SLC7A2: variants seen among roughly 807,000 people sequenced by gnomAD.
SLC7A2 encodes cationic amino acid transporter 2.
A neutral mutation model predicts 58.9 loss-of-function variants in SLC7A2; 48 were observed. That is an observed-to-expected ratio of 0.82 (90% CI 0.65 to 1.04). The LOEUF is 1.04. Ranked by LOEUF, SLC7A2 falls within the 50% of genes least tolerant of loss-of-function variation. The pLI is 0.00. For synonymous variants in SLC7A2, 363 were observed against 314.5 expected (o/e 1.15, Z -1.63); for missense variants, 1,029 against 818.8 (o/e 1.26, Z -3.13).
chr8:17,497,948 C>G (rs1800017897), intron 1 of SLC7A2, among the ~76,000 whole-genome samples: 1 of 152,156 alleles, frequency 6.6e-6, no homozygotes, highest in South Asian at 2.1e-4. Context: ...CAGAAAGTAC[C>G]TTTTCATCCT....
At position 17,515,530 on chromosome 8, in the gene SLC7A2, G is replaced by A. The variant is rs539224154; in HGVS notation, c.-23+13228G>A. Reference sequence around the variant, plus strand: ...AGGATGGTTTTGATCTCCTGACCTCGTGATCTGCCTGCCTGACCTCCCATA... The same window carrying A: ...AGGATGGTTTTGATCTCCTGACCTCATGATCTGCCTGCCTGACCTCCCATA... On this transcript the variant is annotated intron_variant, in intron 2 of 12. Transcript: ENST00000494857. 7.9e-5 allele frequency among the ~76,000 whole-genome samples: 12 copies of A among 152,104 alleles called. 1 individual carries two copies. Among genetic ancestry groups the A allele is most frequent in the African/African-American group, 2.4e-4 (10 of 41,508 alleles).
In SLC7A2 at chr8:17,568,274, A is replaced by G. The variant is rs1803358947; in HGVS notation, c.*3128A>G. ...AAAAAACAATAATTTGTGAATTACC[A>G]CCAAAAGGCAATGGCAGTCCTACAT... On this transcript the variant is annotated 3_prime_UTR_variant, in exon 13 of 13. Transcript: ENST00000494857. 1 of 152,120 alleles carries G rather than the reference A, an allele frequency of 6.6e-6. No individual in the cohort carries two copies. The highest frequency in any genetic ancestry group is 2.4e-5 in the African/African-American group (1 of 41,440). The allele number at this position is 152,120 out of a possible 1,614,324, so 9.4% of individuals were successfully genotyped here.
rs1191602328 is a variant in SLC7A2, at chr8:17,508,872, T to C, written c.-23+6570T>C. On this transcript the variant is annotated intron_variant, in intron 2 of 12. Coordinates refer to ENST00000494857, the MANE Select transcript of SLC7A2 (RefSeq NM_001370338.1). ...TTTTAAAAACCCTGAGGACCCACATTATTTCTCTCAGTTTTTGAAGTATTT... is the reference window on the plus strand; with the variant it reads ...TTTTAAAAACCCTGAGGACCCACATCATTTCTCTCAGTTTTTGAAGTATTT... Among the ~76,000 whole-genome samples, 3 of 152,318 alleles carry C rather than the reference T, an allele frequency of 2.0e-5. No individual in the cohort carries two copies. The East Asian group carries it at 5.8e-4, about 29-fold the overall frequency.
intron 10 of SLC7A2, 48 bp from the exon 11 acceptor site, chr8:17,561,896 G>A (rs1236587677): frequency 6.3e-7 from 1 of 1,581,446 alleles, no homozygotes; most frequent in African/African-American, 1.3e-5. Flanking sequence ...CAAGCAATCT[G>A]GGTGGAGCAC....
At chr8:17,530,170 C>T (rs1171590912) in intron 2 of SLC7A2, among the ~76,000 whole-genome samples, 8 of 152,164 alleles carry the variant, frequency 5.3e-5, no homozygotes, top group Admixed American at 1.3e-4. Context: ...TAATTTTCTA[C>T]GTTCCCCCCT....
At chr8:17,502,109 A>C (rs1800184096) in intron 1 of SLC7A2, 148 bp from the exon 2 acceptor site, 2 of 151,478 alleles carry the variant, frequency 1.3e-5, no homozygotes, top group Non-Finnish European at 2.9e-5. Flanking sequence ...ATATAATTAT[A>C]TATATACGTA....
chr8:17,545,840 T>G (rs1802146093), intron 4 of SLC7A2, among the ~76,000 whole-genome samples: 1 of 152,206 alleles, frequency 6.6e-6, no homozygotes. Context: ...TTGTCCGACC[T>G]TATCTCTGTT....
upstream of SLC7A2, chr8:17,496,982 G>C (rs980519144): frequency 6.6e-6 from 1 of 150,770 alleles, no homozygotes; most frequent in Non-Finnish European, 1.5e-5. Context: ...GGCGGGAGGC[G>C]GGCTCGGGGT....
chr8:17,543,352 A>G lies in SLC7A2; in HGVS notation c.13A>G (p.Arg5Gly). The G allele has an allele frequency of 6.2e-7, 1 of 1,612,216 alleles. No individual in the cohort carries two copies. Among genetic ancestry groups the G allele is most frequent in the Non-Finnish European group, 8.5e-7 (1 of 1,179,250 alleles). Residue 5 changes from arginine to glycine, a missense_variant, in exon 3 of 13, where the codon AGA becomes GGA. By Grantham distance (125) the Arg-to-Gly change is moderately radical. Transcript: ENST00000494857. ...GTCAGACGTCAGAATGATTCCTTGC[A>G]GAGCCGCGCTGACCTTTGCCCGATG... MIPCRAALTFARCLI... is the reference protein window; with the variant it reads MIPCGAALTFARCLI...
At chr8:17,557,568 C>A (rs1029395566) in intron 8 of SLC7A2, among the ~76,000 whole-genome samples, 1 of 152,194 alleles carries the variant, frequency 6.6e-6, no homozygotes, top group African/African-American at 2.4e-5. Context: ...CTGTGACTCA[C>A]ACCTGTAATC....
intron 7 of SLC7A2, 87 bp from the exon 8 acceptor site, chr8:17,554,473 G>T: frequency 9.2e-7 from 1 of 1,088,206 alleles, no homozygotes; most frequent in South Asian, 2.4e-5. Context: ...CTGTCATGCT[G>T]AATATTATAC....
intron 2 of SLC7A2, among the ~76,000 whole-genome samples, chr8:17,518,896 C>T (rs2150683821): frequency 6.6e-6 from 1 of 152,114 alleles, no homozygotes; most frequent in East Asian, 1.9e-4. Context: ...ATGGTGCCAG[C>T]ATGGTTGAGC....
At chr8:17,554,872 C>G in intron 8 of SLC7A2, 173 bp downstream of exon 8, 1 of 1,542,094 alleles carries the variant, frequency 6.5e-7, no homozygotes, top group Non-Finnish European at 8.8e-7. Flanking sequence ...TGTGTCCAGT[C>G]TTTACCTGTC....
At chr8:17,550,157 G>C in intron 5 of SLC7A2, 144 bp from the exon 6 acceptor site, 1 of 719,896 alleles carries the variant, frequency 1.4e-6, no homozygotes, top group East Asian at 2.7e-5. Flanking sequence ...CACAGGGTGA[G>C]AGAGTAAAGT....
upstream of SLC7A2, among the ~76,000 whole-genome samples, chr8:17,495,209 A>C (rs1799928166): frequency 6.6e-6 from 1 of 152,184 alleles, no homozygotes. Flanking sequence ...CTCGAGTGCC[A>C]GGGCAACCGC....
intron 4 of SLC7A2, among the ~76,000 whole-genome samples, chr8:17,548,460 A>G (rs945181331): frequency 3.9e-5 from 6 of 152,264 alleles, no homozygotes; most frequent in African/African-American, 1.2e-4. Context: ...AGTGTCTTCT[A>G]TGAGCATGAC....
At chr8:17,528,870 T>C (rs2517242) in intron 2 of SLC7A2, among the ~76,000 whole-genome samples, 76,767 of 151,830 alleles carry the variant, frequency 0.51, 20,177 homozygotes, top group Non-Finnish European at 0.58. Context: ...AATAAAAGCA[T>C]TGAGAGCTGC....
At chr8:17,521,669 C>T (rs1801020331) in intron 2 of SLC7A2, among the ~76,000 whole-genome samples, 1 of 152,216 alleles carries the variant, frequency 6.6e-6, no homozygotes, top group Admixed American at 6.5e-5. Context: ...AGCTTTCTGG[C>T]AGCAAGCCTC....
At position 17,554,628 on chromosome 8, in the gene SLC7A2, A is replaced by T. The variant is rs1134976; in HGVS notation, c.1124A>T (p.Lys375Ile). Residue 375 changes from lysine to isoleucine, a missense_variant, in exon 8 of 13, where the codon AAA becomes ATA. Physicochemically the swap from Lys to Ile is moderately radical, Grantham distance 102. Transcript: ENST00000494857. The stretch of plus-strand genomic sequence containing the variant: ...ATGGCGGAGGATGGGTTGCTTTTCA[A>T]ATGTCTAGCTCAAATCAATTCCAAA... ...YAMAEDGLLF[K>I]CLAQINSKTK... The T allele has an allele frequency of 1.3e-5, 21 of 1,613,522 alleles. No individual in the cohort carries two copies. Among genetic ancestry groups the T allele is most frequent in the Non-Finnish European group, 1.7e-5 (20 of 1,179,850 alleles).
Sources: allele counts gnomAD v4.1 joint callset (sites outside exome capture counted in the v4.1 genomes callset), GRCh38; gene constraint gnomAD v4.1.1; transcripts MANE v1.5; gene names NCBI Gene and HGNC (gene_info 2026-07-23, HGNC 2026-07-21).